CAMK4: variants seen among roughly 807,000 people sequenced by gnomAD.
CAMK4 encodes the protein calcium/calmodulin-dependent protein kinase type IV.
Under a neutral mutation model 44.9 loss-of-function variants are expected in CAMK4, and 22 were observed. The observed-to-expected ratio is 0.49, with a 90% CI of 0.35 to 0.70. The LOEUF (loss-of-function observed/expected upper bound fraction) is 0.70, where lower values mean the gene tolerates loss of function less well. Among genes scored for constraint, CAMK4 ranks in the 30% least tolerant of loss-of-function variants. CAMK4 has a pLI of 0.01. For synonymous variants in CAMK4, 218 were observed against 215.4 expected, an observed-to-expected ratio of 1.01 and a Z score of -0.11; for missense variants, 498 against 586.8, an observed-to-expected ratio of 0.85 and a Z score of 1.56.
chr5:111,402,188 C>T (rs1332906769), intron 5 of CAMK4, among the ~76,000 whole-genome samples: 3 of 152,212 alleles, frequency 2.0e-5, no homozygotes, highest in African/African-American at 4.8e-5. Context: ...CATGCCCTCT[C>T]GTGGCAGATC....
chr5:111,310,380 G>A (rs772096454), intron 1 of CAMK4, among the ~76,000 whole-genome samples: 7 of 152,172 alleles, frequency 4.6e-5, no homozygotes, highest in Admixed American at 1.3e-4. Context: ...TGAGTAAGAC[G>A]TCAGGGAGTT....
intron 1 of CAMK4, among the ~76,000 whole-genome samples, chr5:111,276,858 A>C (rs1750781097): frequency 6.6e-6 from 1 of 152,192 alleles, no homozygotes; most frequent in Non-Finnish European, 1.5e-5. Context: ...ATTTTTAAAA[A>C]TATGATCTTG....
At chr5:111,278,930 T>G in intron 1 of CAMK4, among the ~76,000 whole-genome samples, 1 of 152,132 alleles carries the variant, frequency 6.6e-6, no homozygotes, top group East Asian at 1.9e-4. Flanking sequence ...TAAAATGCCT[T>G]AAGATTGGTT....
rs867112255 is a variant in CAMK4 at position 111,414,234 on chromosome 5, C to T, written c.459+19452C>T. ...GTTACTCCCAAAGCACAGAGTATTGCCTGATGCTATCCTGAGAAAAAAATT... is the reference window on the plus strand; with the variant it reads ...GTTACTCCCAAAGCACAGAGTATTGTCTGATGCTATCCTGAGAAAAAAATT... On this transcript the variant is annotated intron_variant, in intron 5 of 10. Coordinates refer to ENST00000282356, the MANE Select transcript of CAMK4 (RefSeq NM_001744.6). Among the ~76,000 whole-genome samples, 6 of 152,178 alleles carry T rather than the reference C, an allele frequency of 3.9e-5. No individual in the cohort carries two copies. The South Asian group carries it at 6.2e-4, about 16-fold the overall frequency.
intron 7 of CAMK4, among the ~76,000 whole-genome samples, chr5:111,472,059 A>T (rs1383954366): frequency 6.6e-6 from 1 of 151,668 alleles, no homozygotes; most frequent in East Asian, 1.9e-4. Context: ...TGCCTGGCTA[A>T]TTTTTTTGTA....
chr5:111,427,818 C>T (rs1263683877), intron 5 of CAMK4, among the ~76,000 whole-genome samples: 1 of 152,208 alleles, frequency 6.6e-6, no homozygotes, highest in Non-Finnish European at 1.5e-5. Flanking sequence ...ACCTCACTGC[C>T]CTGAAGGGAA....
chr5:111,293,742 C>CTTTTTTTTTT (rs35117453), intron 1 of CAMK4, among the ~76,000 whole-genome samples: 1 of 83,538 alleles, frequency 1.2e-5, no homozygotes, highest in African/African-American at 5.3e-5. Flanking sequence ...TGCTGCTCTA[C>CTTTTTTTTTT]TTTTTTTTTT....
intron 5 of CAMK4, among the ~76,000 whole-genome samples, chr5:111,419,686 T>C (rs1249474083): frequency 6.6e-6 from 1 of 152,174 alleles, no homozygotes; most frequent in Non-Finnish European, 1.5e-5. Flanking sequence ...GCCAGCACCA[T>C]TTATTAAATA....
chr5:111,355,757 G>GT (rs1436303882), intron 2 of CAMK4, among the ~76,000 whole-genome samples: 3 of 150,842 alleles, frequency 2.0e-5, no homozygotes, highest in East Asian at 2.0e-4. Flanking sequence ...GTGGTGTTTG[G>GT]TTTTTTGTCC....
intron 5 of CAMK4, among the ~76,000 whole-genome samples, chr5:111,400,162 G>T (rs894695062): frequency 3.3e-5 from 5 of 151,648 alleles, no homozygotes; most frequent in Non-Finnish European, 5.9e-5. Context: ...TTCCAGTTTA[G>T]GAGCTAACAC....
intron 7 of CAMK4, among the ~76,000 whole-genome samples, chr5:111,470,914 G>A (rs1169064879): frequency 1.3e-5 from 2 of 152,076 alleles, no homozygotes; most frequent in East Asian, 3.9e-4. Context: ...ATTTTTCTTT[G>A]GCCCTCCAGA....
intron 5 of CAMK4, among the ~76,000 whole-genome samples, chr5:111,433,114 T>A (rs1179038222): frequency 6.6e-6 from 1 of 152,190 alleles, no homozygotes; most frequent in South Asian, 2.1e-4. Context: ...AGTGTTCCAG[T>A]CACTGCTGAT....
At chr5:111,256,271 G>C (rs112255914) in intron 1 of CAMK4, among the ~76,000 whole-genome samples, 2,211 of 152,256 alleles carry the variant, frequency 0.015, 64 homozygotes, top group African/African-American at 0.051. Context: ...CAGGGATTAG[G>C]TATGGTGGTG....
intron 1 of CAMK4, among the ~76,000 whole-genome samples, chr5:111,321,954 A>G (rs1193847781): frequency 1.3e-5 from 2 of 152,136 alleles, no homozygotes; most frequent in African/African-American, 2.4e-5. Flanking sequence ...CCCTTCTGTA[A>G]CAATCATGAC....
At chr5:111,476,489 G>C (rs1425340937) in intron 8 of CAMK4, among the ~76,000 whole-genome samples, 3 of 151,978 alleles carry the variant, frequency 2.0e-5, no homozygotes, top group African/African-American at 7.3e-5. Context: ...ATGCTGGCCA[G>C]CCTGGTCTCA....
chr5:111,448,984 A>G (rs1280146365), intron 6 of CAMK4, 145 bp from the exon 7 acceptor site: 1 of 475,100 alleles, frequency 2.1e-6, no homozygotes, highest in Non-Finnish European at 3.8e-6. Flanking sequence ...CTGTTGGGTG[A>G]CTTGTTCCCA....
At position 111,286,274 on chromosome 5, in the gene CAMK4, CAG is replaced by C. The variant is rs901365266; in HGVS notation, c.162-57743_162-57742del. Among the ~76,000 whole-genome samples, 11 of 152,258 alleles carry C rather than the reference CAG, an allele frequency of 7.2e-5. 1 individual carries two copies. The highest frequency in any genetic ancestry group is 3.9e-4 in the East Asian group (2 of 5,188). ...TCGTAAAGATGGAGAAATAGAGCTA[CAG>C]AGAGAGTAAACCTTTGTCCGGTGTT... On this transcript the variant is annotated intron_variant, in intron 1 of 10. Coordinates refer to ENST00000282356, the MANE Select transcript of CAMK4 (RefSeq NM_001744.6).
chr5:111,449,108 A>G (rs761840742), intron 6 of CAMK4, 21 bp from the exon 7 acceptor site: 7 of 1,158,028 alleles, frequency 6.0e-6, no homozygotes, highest in Non-Finnish European at 8.9e-6. Flanking sequence ...GCTTCATTAA[A>G]TTTTTTTCTT....
chr5:111,266,179 T>G (rs1364247977), intron 1 of CAMK4: 2 of 147,766 alleles, frequency 1.4e-5, no homozygotes, highest in African/African-American at 5.0e-5. Flanking sequence ...GAAGGTTTCC[T>G]AAATAAATAT....
Sources: allele counts gnomAD v4.1 joint callset (sites outside exome capture counted in the v4.1 genomes callset), GRCh38; gene constraint gnomAD v4.1.1; transcripts MANE v1.5; gene names NCBI Gene and HGNC (gene_info 2026-07-23, HGNC 2026-07-21).